The following SLAMF1 variants were observed in gnomAD, a reference collection of about 807,000 sequenced individuals.
The protein encoded by SLAMF1 is signaling lymphocytic activation molecule family member 1.
Under a neutral mutation model 35.1 loss-of-function variants are expected in SLAMF1, and 18 were observed. The observed-to-expected ratio is 0.51, with a 90% CI of 0.35 to 0.76. The LOEUF is 0.76. SLAMF1 is among the 30% of genes least tolerant of loss of function. The probability of loss-of-function intolerance (pLI) is 0.01; values close to 1 mark genes in which losing one functional copy is unlikely to be tolerated. For synonymous variants in SLAMF1, 168 were observed against 157.2 expected (o/e 1.07, Z -0.51); for missense variants, 392 against 413.0 (o/e 0.95, Z 0.44).
intron 4 of SLAMF1, among the ~76,000 whole-genome samples, chr1:160,620,461 C>T (rs886578583): frequency 6.6e-6 from 1 of 152,160 alleles, no homozygotes; most frequent in African/African-American, 2.4e-5. Context: ...AAATTTTGCT[C>T]AGGGCCTAGG....
intron 3 of SLAMF1, among the ~76,000 whole-genome samples, chr1:160,631,462 T>C (rs7522135): frequency 1.3e-5 from 2 of 152,144 alleles, no homozygotes; most frequent in African/African-American, 4.8e-5. Context: ...GGGAGATGTT[T>C]TGGGCTGAAT....
chr1:160,640,359 T>TATATATATATATACAC (rs1361053277), intron 1 of SLAMF1, among the ~76,000 whole-genome samples: 19 of 122,452 alleles, frequency 1.6e-4, no homozygotes, highest in African/African-American at 6.3e-4. Context: ...TATATATATA[T>TATATATATATATACAC]ACACACACAC....
rs79359404 is a variant in SLAMF1, at chr1:160,640,638, G to A, written c.77-3109C>T. 5.4e-3 allele frequency among the ~76,000 whole-genome samples: 821 copies of A among 152,034 alleles called. 5 individuals carry two copies. Among genetic ancestry groups the A allele is most frequent in the African/African-American group, 0.019 (794 of 41,456 alleles). On this transcript the variant is annotated intron_variant, in intron 1 of 6. Transcript: ENST00000302035. ...TGGACACACTGGCCCAAATATTCTT[G>A]TCACCAAAATACCCCGAAATCCCCA...
chr1:160,632,776 G>C (rs1385722033), intron 3 of SLAMF1, among the ~76,000 whole-genome samples: 2 of 152,120 alleles, frequency 1.3e-5, no homozygotes, highest in African/African-American at 4.8e-5. Flanking sequence ...TATTTTTGTA[G>C]CTTTTATAAT....
intron 4 of SLAMF1, among the ~76,000 whole-genome samples, chr1:160,622,162 C>T (rs1263510434): frequency 6.6e-6 from 1 of 152,038 alleles, no homozygotes; most frequent in Non-Finnish European, 1.5e-5. Context: ...ACCATTGGAC[C>T]AAGATAATTT....
rs1659890441 is a variant in SLAMF1, at chr1:160,626,537, C to G, written c.701-2352G>C. On this transcript the variant is annotated intron_variant, in intron 3 of 6. Coordinates refer to ENST00000302035, the MANE Select transcript of SLAMF1 (RefSeq NM_003037.5). ...TTGGATACAAATATGAATCATAGACCTTTTTAACCTTAAGGGAACTATAGT... is the reference window on the plus strand; with the variant it reads ...TTGGATACAAATATGAATCATAGACGTTTTTAACCTTAAGGGAACTATAGT... Among the ~76,000 whole-genome samples, 3 of 152,042 alleles carry G rather than the reference C, an allele frequency of 2.0e-5. No individual in the cohort carries two copies. In the South Asian group the frequency reaches 6.2e-4, roughly 32 times the overall value.
At chr1:160,623,633 G>A (rs1270006835) in intron 4 of SLAMF1, 2 of 398,694 alleles carry the variant, frequency 5.0e-6, no homozygotes, top group Non-Finnish European at 8.8e-6. Context: ...GGGAAATTTG[G>A]AAGAGAGGAC....
chr1:160,619,119 C>T (rs1659469889), intron 5 of SLAMF1, among the ~76,000 whole-genome samples: 1 of 152,072 alleles, frequency 6.6e-6, no homozygotes. Context: ...CTGGCCTATA[C>T]AATACCAAGA....
intron 6 of SLAMF1, among the ~76,000 whole-genome samples, chr1:160,612,109 G>A (rs912582): frequency 0.21 from 32,561 of 151,958 alleles, 4,192 homozygotes; most frequent in Middle Eastern, 0.36. Flanking sequence ...CAGTGGCCCC[G>A]TGTGAGCAGG....
chr1:160,610,300 C>T lies in SLAMF1; in HGVS notation c.*448G>A, dbSNP rs1274380874. On this transcript the variant is annotated 3_prime_UTR_variant, in exon 7 of 7. Coordinates refer to ENST00000302035, the MANE Select transcript of SLAMF1 (RefSeq NM_003037.5). ...GATCAGGTCTGCAGGTTATCATGATCAGCTCCCAGAACAAAGTAAAGATAG... is the reference window on the plus strand; with the variant it reads ...GATCAGGTCTGCAGGTTATCATGATTAGCTCCCAGAACAAAGTAAAGATAG... 4 of 456,982 alleles carry T rather than the reference C, an allele frequency of 8.8e-6. No individual in the cohort carries two copies. In the East Asian group the frequency reaches 2.8e-4, roughly 32 times the overall value. The allele number at this position is 456,982 out of a possible 1,614,324, so 28.3% of individuals were successfully genotyped here. A position where few individuals can be genotyped will look rare whatever the true frequency, so the allele number is the denominator to read the frequency against.
chr1:160,610,296 T>A lies in SLAMF1; in HGVS notation c.*452A>T. 1 of 456,984 alleles carries A rather than the reference T, an allele frequency of 2.2e-6. No individual in the cohort carries two copies. Among genetic ancestry groups the A allele is most frequent in the Non-Finnish European group, 4.4e-6 (1 of 227,120 alleles). 28.3% of individuals were successfully genotyped at this position (456,984 alleles called of 1,614,324 possible). A position where few individuals can be genotyped will look rare whatever the true frequency, so the allele number is the denominator to read the frequency against. ...GCTTGATCAGGTCTGCAGGTTATCA[T>A]GATCAGCTCCCAGAACAAAGTAAAG... is the stretch of plus-strand genomic sequence containing the variant. On this transcript the variant is annotated 3_prime_UTR_variant, in exon 7 of 7. Transcript: ENST00000302035.
chr1:160,646,870 C>G lies in SLAMF1; in HGVS notation c.76G>C (p.Gly26Arg). Reference sequence around the variant, plus strand: ...AACCATCAGGCAGATGAACACTCACCTGTTCCGTAGCTTGCCCCAAAAGCC... The same window carrying G: ...AACCATCAGGCAGATGAACACTCACGTGTTCCGTAGCTTGCCCCAAAAGCC... ...SLAFGASYGT[G>R]GRMMNCPKIL... Residue 26 changes from glycine to arginine, a missense_variant and splice_region_variant, in exon 1 of 7, where the codon GGT becomes CGT. Physicochemically the swap from Gly to Arg is moderately radical, Grantham distance 125. Coordinates refer to ENST00000302035, the MANE Select transcript of SLAMF1 (RefSeq NM_003037.5). 1 of 1,573,856 alleles carries G rather than the reference C, an allele frequency of 6.4e-7. No individual in the cohort carries two copies. Among genetic ancestry groups the G allele is most frequent in the Non-Finnish European group, 8.7e-7 (1 of 1,143,814 alleles).
chr1:160,642,597 A>G lies in SLAMF1; in HGVS notation c.76+4273T>C, dbSNP rs2102364708. 1.3e-5 allele frequency among the ~76,000 whole-genome samples: 2 copies of G among 152,348 alleles called. No individual in the cohort carries two copies. The highest frequency in any genetic ancestry group is 6.8e-3 in the Middle Eastern group (2 of 294). ...GAGCTCAGTAAATCCTTGTTGCCCAAGTGAATTAATAAAACAGAATGGGAT... is the reference window on the plus strand; with the variant it reads ...GAGCTCAGTAAATCCTTGTTGCCCAGGTGAATTAATAAAACAGAATGGGAT... On this transcript the variant is annotated intron_variant, in intron 1 of 6. Transcript: ENST00000302035. The surrounding 1 kb of genome is among the most constrained non-coding windows in gnomAD (Gnocchi z 4.2).
chr1:160,612,079 A>G (rs1659015009), intron 6 of SLAMF1, among the ~76,000 whole-genome samples: 1 of 152,024 alleles, frequency 6.6e-6, no homozygotes, highest in South Asian at 2.1e-4. Flanking sequence ...TCAGGGAAAC[A>G]CTGGCCAGCA....
chr1:160,618,360 T>C (rs947596237), intron 5 of SLAMF1, among the ~76,000 whole-genome samples: 2 of 152,110 alleles, frequency 1.3e-5, no homozygotes, highest in African/African-American at 4.8e-5. Flanking sequence ...GAGTTGATCC[T>C]TACTGAGGAG....
At chr1:160,635,357 G>A (rs367746620) in intron 2 of SLAMF1, among the ~76,000 whole-genome samples, 138 of 152,248 alleles carry the variant, frequency 9.1e-4, no homozygotes, top group South Asian at 7.3e-3. Context: ...GTGCGCGCGC[G>A]CGCATGTACA....
rs1660525169 is a variant in SLAMF1, at chr1:160,637,593, G to T, written c.77-64C>A. The T allele has an allele frequency of 1.6e-5, 19 of 1,191,490 alleles. No individual in the cohort carries two copies. The South Asian group carries it at 2.7e-4, about 17-fold the overall frequency. The allele number at this position is 1,191,490 out of a possible 1,614,324, so 73.8% of individuals were successfully genotyped here. ...GCCTTTAGACAACATCGTGTCAGCA[G>T]ATCAGGAAGGACAGACTGGAGGCTC... is the stretch of plus-strand genomic sequence containing the variant. On this transcript the variant is annotated intron_variant, in intron 1 of 6. Coordinates refer to ENST00000302035, the MANE Select transcript of SLAMF1 (RefSeq NM_003037.5).
At chr1:160,610,931 G>A in intron 6 of SLAMF1, 133 bp from the exon 7 acceptor site, 2 of 702,074 alleles carry the variant, frequency 2.8e-6, no homozygotes, top group East Asian at 2.6e-5. Flanking sequence ...GTCACAGACA[G>A]GGCCTTGCTG....
chr1:160,619,995 A>G (rs927979354), intron 4 of SLAMF1, 146 bp from the exon 5 acceptor site: 21 of 668,770 alleles, frequency 3.1e-5, no homozygotes, highest in Non-Finnish European at 5.6e-5. Flanking sequence ...CCCCCTGCAC[A>G]TTTGTCATAT....
Sources: allele counts gnomAD v4.1 joint callset (sites outside exome capture counted in the v4.1 genomes callset), GRCh38; gene constraint gnomAD v4.1.1; non-coding constraint Gnocchi (gnomAD v3.1); transcripts MANE v1.5; gene names NCBI Gene and HGNC (gene_info 2026-07-23, HGNC 2026-07-21).